Variants in OSBPL6 observed in about 807,000 individuals in gnomAD.
OSBPL6 encodes oxysterol binding protein like 6, also known as oxysterol-binding protein-related protein 6.
Under a neutral mutation model 125.8 loss-of-function variants are expected in OSBPL6, and 49 were observed. That is an observed-to-expected ratio of 0.39 (90% confidence interval 0.31 to 0.49). The LOEUF (loss-of-function observed/expected upper bound fraction) is 0.49. Among genes scored for constraint, OSBPL6 ranks in the 20% least tolerant of loss-of-function variants. The pLI is 0.88. For synonymous variants in OSBPL6, 394 were observed against 391.8 expected (o/e 1.01, Z -0.07); for missense variants, 986 against 1,135.4 (o/e 0.87, Z 1.89).
chr2:178,384,057 G>A lies in OSBPL6; in HGVS notation c.1894G>A (p.Ala632Thr), dbSNP rs1490791838. 6.2e-7 allele frequency: 1 copy of A among 1,613,842 alleles called. No individual in the cohort carries two copies. The highest frequency in any genetic ancestry group is 2.2e-5 in the East Asian group (1 of 44,884). Reference protein sequence around the residue: ...YERMVLVAAFAVSGYCSTYFR... With the variant: ...YERMVLVAAFTVSGYCSTYFR... ...TTAACAGGTTCTCGTTGCCGCATTT[G>A]CAGTTTCAGGATACTGCTCCACCTA... Residue 632 changes from alanine (A) to threonine (T), a missense_variant, in exon 18 of 25, where the codon GCA becomes ACA. Physicochemically the swap from Ala to Thr is moderately conservative, Grantham distance 58. Coordinates refer to ENST00000190611, the MANE Select transcript of OSBPL6 (RefSeq NM_032523.4).
intron 2 of OSBPL6, among the ~76,000 whole-genome samples, chr2:178,292,610 G>T (rs949782058): frequency 1.3e-5 from 2 of 152,046 alleles, no homozygotes; most frequent in African/African-American, 4.8e-5. Context: ...CAAGTGTTTG[G>T]TCATTCAGAC....
chr2:178,386,085 G>T (rs577035274), intron 19 of OSBPL6, among the ~76,000 whole-genome samples: 1 of 152,350 alleles, frequency 6.6e-6, no homozygotes, highest in Non-Finnish European at 1.5e-5. Context: ...TTATGTAAAT[G>T]TGAACATTAA....
intron 1 of OSBPL6, among the ~76,000 whole-genome samples, chr2:178,209,149 T>C (rs1322306799): frequency 6.6e-6 from 1 of 152,202 alleles, no homozygotes; most frequent in Non-Finnish European, 1.5e-5. Flanking sequence ...CTTTAAGATC[T>C]GAAACATCTT....
intron 9 of OSBPL6, among the ~76,000 whole-genome samples, chr2:178,337,782 G>A (rs529610193): frequency 6.6e-6 from 1 of 152,268 alleles, no homozygotes; most frequent in South Asian, 2.1e-4. Context: ...TAGAAAAAGG[G>A]TGATGGTTTT....
At chr2:178,267,211 G>T (rs911363018) in intron 1 of OSBPL6, among the ~76,000 whole-genome samples, 5 of 151,852 alleles carry the variant, frequency 3.3e-5, no homozygotes, top group Non-Finnish European at 5.9e-5. Flanking sequence ...AAAATTAGCC[G>T]GGCATGGTGG....
intron 9 of OSBPL6, among the ~76,000 whole-genome samples, chr2:178,336,694 A>T (rs1352906390): frequency 2.0e-5 from 3 of 151,742 alleles, no homozygotes; most frequent in African/African-American, 7.3e-5. Flanking sequence ...ACTTCTACCC[A>T]CTTCAGCCTT....
rs1158133797 is a variant in OSBPL6 at position 178,383,259 on chromosome 2, T to G, written c.1857T>G (p.Asp619Glu). 1.2e-6 allele frequency: 2 copies of G among 1,614,126 alleles called. No individual in the cohort carries two copies. Among genetic ancestry groups the G allele is most frequent in the East Asian group, 4.5e-5 (2 of 44,874 alleles). Residue 619 changes from aspartate (D) to glutamate (E), a missense_variant, in exon 17 of 25, where the codon GAT becomes GAG. Physicochemically the swap from Asp to Glu is conservative, Grantham distance 45. Transcript: ENST00000190611. ...TCCTGGACAAGGCTTCGGAAACTGA[T>G]GATCCATATGAGCGCATGGTAATAA... ...SELLDKASET[D>E]DPYERMVLVA...
intron 1 of OSBPL6, among the ~76,000 whole-genome samples, chr2:178,276,531 C>T (rs747299933): frequency 3.3e-5 from 5 of 152,006 alleles, no homozygotes; most frequent in Non-Finnish European, 7.4e-5. Flanking sequence ...CACCACCACA[C>T]CCAGCTAATT....
At chr2:178,223,573 T>C (rs1384092425) in intron 1 of OSBPL6, among the ~76,000 whole-genome samples, 2 of 152,236 alleles carry the variant, frequency 1.3e-5, no homozygotes, top group East Asian at 3.8e-4. Context: ...TGGAGTGACG[T>C]TTCCCAGGCC....
At chr2:178,230,892 T>A (rs1462683527) in intron 1 of OSBPL6, among the ~76,000 whole-genome samples, 1 of 152,212 alleles carries the variant, frequency 6.6e-6, no homozygotes, top group Non-Finnish European at 1.5e-5. Flanking sequence ...TAGCTTTCAC[T>A]TTCTGATTTA....
At chr2:178,370,808 A>T (rs1559304153) in intron 13 of OSBPL6, among the ~76,000 whole-genome samples, 1 of 152,242 alleles carries the variant, frequency 6.6e-6, no homozygotes, top group Non-Finnish European at 1.5e-5. Context: ...TGGTTCTAAC[A>T]GCTTCAAACA....
intron 19 of OSBPL6, 125 bp downstream of exon 19, chr2:178,385,646 G>A: frequency 1.4e-6 from 1 of 702,790 alleles, no homozygotes; most frequent in East Asian, 2.7e-5. Context: ...TTAGTAATTG[G>A]TGCAGAGCTC....
At chr2:178,198,294 T>C (rs1157481711) in intron 1 of OSBPL6, among the ~76,000 whole-genome samples, 2 of 152,018 alleles carry the variant, frequency 1.3e-5, no homozygotes, top group African/African-American at 4.8e-5. Context: ...AATCTTGGCG[T>C]GTAGTATCAA....
At chr2:178,336,850 G>T (rs575807019) in intron 9 of OSBPL6, among the ~76,000 whole-genome samples, 1 of 152,152 alleles carries the variant, frequency 6.6e-6, no homozygotes, top group Non-Finnish European at 1.5e-5. Flanking sequence ...GGTCACTTCC[G>T]CAGCTGCCTT....
chr2:178,243,699 G>A (rs1051436853), intron 1 of OSBPL6, among the ~76,000 whole-genome samples: 3 of 152,156 alleles, frequency 2.0e-5, no homozygotes, highest in African/African-American at 7.2e-5. Flanking sequence ...TGTCGCCCAG[G>A]CTGGAGTGCA....
rs1395461969 is a variant in OSBPL6 at position 178,394,376 on chromosome 2, G to A, written c.2637G>A (p.Gln879=). 3.7e-6 allele frequency: 6 copies of A among 1,613,314 alleles called. No homozygotes were observed. Among genetic ancestry groups the A allele is most frequent in the Non-Finnish European group, 5.1e-6 (6 of 1,179,630 alleles). Residue 879 remains glutamine (Q), a synonymous_variant, in exon 24 of 25, where the codon CAG becomes CAA. Transcript: ENST00000190611. ...AGAAGCAAAGAGTAGAGGAACTCCA[G>A]AGATCTCGGAGACGATATATGGAAG... is the stretch of plus-strand genomic sequence containing the variant. ...ASEKQRVEEL[Q]RSRRRYMEEN...
chr2:178,378,735 C>A (rs929925984), intron 15 of OSBPL6, among the ~76,000 whole-genome samples: 3 of 152,212 alleles, frequency 2.0e-5, no homozygotes, highest in Non-Finnish European at 2.9e-5. Flanking sequence ...TTGACCACAG[C>A]AAGATAGCCC....
At chr2:178,371,816 G>C (rs972419580) in intron 13 of OSBPL6, among the ~76,000 whole-genome samples, 1 of 152,084 alleles carries the variant, frequency 6.6e-6, no homozygotes, top group African/African-American at 2.4e-5. Context: ...TATATGTAGT[G>C]GTAGACTGGG....
At chr2:178,221,476 A>G (rs2090338094) in intron 1 of OSBPL6, among the ~76,000 whole-genome samples, 1 of 152,244 alleles carries the variant, frequency 6.6e-6, no homozygotes, top group South Asian at 2.1e-4. Context: ...AGATGAAGCT[A>G]TGAGCATGGT....
Sources: allele counts gnomAD v4.1 joint callset (sites outside exome capture counted in the v4.1 genomes callset), GRCh38; gene constraint gnomAD v4.1.1; transcripts MANE v1.5; gene names NCBI Gene and HGNC (gene_info 2026-07-23, HGNC 2026-07-21).